UBA6: variants seen among roughly 807,000 people sequenced by gnomAD.
The protein encoded by UBA6 is ubiquitin-like modifier-activating enzyme 6.
A neutral mutation model predicts 148.3 loss-of-function variants in UBA6; 87 were observed. That is an observed-to-expected ratio of 0.59 (90% confidence interval 0.49 to 0.70). UBA6 has a LOEUF of 0.70. Ranked by LOEUF, UBA6 falls within the 30% of genes least tolerant of loss-of-function variation. The probability of loss-of-function intolerance (pLI) is 0.00; values close to 1 mark genes in which losing one functional copy is unlikely to be tolerated. For synonymous variants in UBA6, 376 were observed against 401.0 expected (o/e 0.94, Z 0.75); for missense variants, 1,186 against 1,241.2 (o/e 0.96, Z 0.67).
intron 13 of UBA6, among the ~76,000 whole-genome samples, chr4:67,657,595 C>A (rs969923753): frequency 3.9e-5 from 6 of 152,020 alleles, no homozygotes; most frequent in African/African-American, 1.4e-4. Flanking sequence ...CTAGGCAATA[C>A]CATTCAGAAC....
Position 67,701,128 on chromosome 4 carries a change from G to A in UBA6, c.-9C>T, listed in dbSNP as rs376631164. On this transcript the variant is annotated 5_prime_UTR_variant, in exon 1 of 33. Coordinates refer to ENST00000322244, the MANE Select transcript of UBA6 (RefSeq NM_018227.6). Reference sequence around the variant, plus strand: ...GGCTCGGATCCTTCCATTGCCGCCTGAGACACCGCCGCCGGCTACTGGAAG... The same window carrying A: ...GGCTCGGATCCTTCCATTGCCGCCTAAGACACCGCCGCCGGCTACTGGAAG... 1.9e-6 allele frequency: 3 copies of A among 1,612,166 alleles called. No individual in the cohort carries two copies. The African/African-American group carries it at 4.0e-5, about 22-fold the overall frequency.
chr4:67,639,959 C>T (rs1356020843), intron 18 of UBA6, among the ~76,000 whole-genome samples: 2 of 152,158 alleles, frequency 1.3e-5, no homozygotes, highest in African/African-American at 2.4e-5. Flanking sequence ...GTAAGGGGTA[C>T]TACTGTACTC....
At chr4:67,689,954 T>C (rs1560502804) in intron 2 of UBA6, among the ~76,000 whole-genome samples, 1 of 152,032 alleles carries the variant, frequency 6.6e-6, no homozygotes. Flanking sequence ...AAATACTATG[T>C]GATAATGTGC....
chr4:67,687,182 C>T (rs1045208649), intron 2 of UBA6, among the ~76,000 whole-genome samples: 2 of 150,936 alleles, frequency 1.3e-5, no homozygotes, highest in East Asian at 2.0e-4. Flanking sequence ...ATTACAGGTG[C>T]GTGCCACCAT....
chr4:67,624,893 T>C, intron 29 of UBA6, 101 bp downstream of exon 29: 1 of 923,610 alleles, frequency 1.1e-6, no homozygotes, highest in Non-Finnish European at 1.6e-6. Flanking sequence ...TATTTATCCT[T>C]CCCTCTCTAA....
At chr4:67,672,555 C>T (rs1171672848) in intron 7 of UBA6, among the ~76,000 whole-genome samples, 1 of 152,032 alleles carries the variant, frequency 6.6e-6, no homozygotes, top group Non-Finnish European at 1.5e-5. Context: ...GATTAAAACT[C>T]ACAGGCCTAA....
At chr4:67,687,075 G>T (rs377476497) in intron 2 of UBA6, among the ~76,000 whole-genome samples, 1 of 116,144 alleles carries the variant, frequency 8.6e-6, no homozygotes, top group African/African-American at 3.5e-5. Context: ...TCACTTTGTC[G>T]CCCAGGCTGG....
At chr4:67,621,046 C>A (rs1728738277) in intron 32 of UBA6, among the ~76,000 whole-genome samples, 1 of 152,132 alleles carries the variant, frequency 6.6e-6, no homozygotes, top group South Asian at 2.1e-4. Context: ...AAATATTGGC[C>A]AAATCTTAAA....
chr4:67,649,850 T>C (rs536661090), intron 13 of UBA6, among the ~76,000 whole-genome samples: 5 of 152,322 alleles, frequency 3.3e-5, no homozygotes, highest in African/African-American at 1.2e-4. Flanking sequence ...CCCTGTTTTC[T>C]TTCTCTTCTT....
intron 20 of UBA6, 77 bp from the exon 21 acceptor site, chr4:67,634,595 C>T (rs957255183): frequency 3.8e-5 from 39 of 1,022,088 alleles, no homozygotes; most frequent in Non-Finnish European, 4.8e-5. Flanking sequence ...TAGTTTTGAG[C>T]TTTAAGCCTA....
chr4:67,678,363 G>A, intron 5 of UBA6, 76 bp downstream of exon 5: 1 of 804,872 alleles, frequency 1.2e-6, no homozygotes, highest in Non-Finnish European at 1.9e-6. Context: ...ATGACTGATT[G>A]GTGTTCTAGA....
chr4:67,676,513 C>T (rs751754091), intron 6 of UBA6, among the ~76,000 whole-genome samples: 3 of 152,106 alleles, frequency 2.0e-5, no homozygotes, highest in Admixed American at 6.5e-5. Flanking sequence ...TGTTCTTGTC[C>T]ACCCTTTCAC....
At chr4:67,679,534 C>G (rs1730379789) in intron 4 of UBA6, among the ~76,000 whole-genome samples, 1 of 151,854 alleles carries the variant, frequency 6.6e-6, no homozygotes, top group African/African-American at 2.4e-5. Context: ...CTGCCAAATC[C>G]AGGTAGGATC....
intron 10 of UBA6, among the ~76,000 whole-genome samples, chr4:67,664,566 T>C (rs1729944329): frequency 6.6e-6 from 1 of 152,158 alleles, no homozygotes; most frequent in Non-Finnish European, 1.5e-5. Flanking sequence ...AGAGATGTGC[T>C]AGCTTATCCT....
chr4:67,689,592 T>C (rs1265017797), intron 2 of UBA6, among the ~76,000 whole-genome samples: 1 of 152,140 alleles, frequency 6.6e-6, no homozygotes, highest in Non-Finnish European at 1.5e-5. Flanking sequence ...GGTCTTATTG[T>C]AGCAGCTTCA....
At chr4:67,649,699 T>C (rs1729507096) in intron 13 of UBA6, among the ~76,000 whole-genome samples, 1 of 152,150 alleles carries the variant, frequency 6.6e-6, no homozygotes, top group Admixed American at 6.5e-5. Flanking sequence ...AATAACACAA[T>C]ACACTTAGAG....
In UBA6 at chr4:67,658,103, T is replaced by C. The variant is rs555633958; in HGVS notation, c.1104+4086A>G. Reference sequence around the variant, plus strand: ...TTTACACTGTTGGTGGGAGTGTAAATCAGTTAAACCATTGTGGAAGATAGT... The same window carrying C: ...TTTACACTGTTGGTGGGAGTGTAAACCAGTTAAACCATTGTGGAAGATAGT... On this transcript the variant is annotated intron_variant, in intron 13 of 32. Transcript: ENST00000322244. Among the ~76,000 whole-genome samples, 3 of 152,172 alleles carry C rather than the reference T, an allele frequency of 2.0e-5. No homozygotes were observed. The South Asian group carries it at 6.2e-4, about 32-fold the overall frequency.
chr4:67,623,136 T>G lies in UBA6; in HGVS notation c.2927A>C (p.Lys976Thr). The change falls in exon 31 of 33, where the codon AAA becomes ACA. Residue 976 changes from lysine (K) to threonine (T), a missense_variant and splice_region_variant. By Grantham distance (78) the Lys-to-Thr change is moderately conservative. Transcript: ENST00000322244. ...ACTAAATGAACAAAAGTATCTCACT[T>G]TGACTGCATTTATGAAATCCAAGAG... ...FTLLDFINAV[K>T]EKYGIEPTMV... 6.2e-7 allele frequency: 1 copy of G among 1,609,698 alleles called. No homozygotes were observed. The highest frequency in any genetic ancestry group is 8.5e-7 in the Non-Finnish European group (1 of 1,176,902).
intron 6 of UBA6, among the ~76,000 whole-genome samples, chr4:67,677,138 C>A (rs1196166063): frequency 1.3e-5 from 2 of 152,136 alleles, no homozygotes; most frequent in Non-Finnish European, 2.9e-5. Context: ...TTAATGGACA[C>A]AACAAAAACA....
Sources: gnomAD v4.1 joint callset for allele counts (sites outside exome capture counted in the v4.1 genomes callset) on GRCh38, gnomAD v4.1.1 for gene constraint, MANE v1.5 for transcripts, NCBI Gene and HGNC (gene_info 2026-07-23, HGNC 2026-07-21) for gene names.